The following XPO5 variants were observed in gnomAD, a reference collection of about 807,000 sequenced individuals.
XPO5 encodes the protein exportin 5.
In XPO5, 46 loss-of-function variants were observed where a neutral mutation model predicts 160.6. The ratio of observed to expected loss-of-function variants is 0.29; its 90% CI spans 0.23 to 0.37. The LOEUF (loss-of-function observed/expected upper bound fraction) is 0.37. Among genes scored for constraint, XPO5 ranks in the 10% least tolerant of loss-of-function variants. The pLI is 1.00. For synonymous variants in XPO5, 537 were observed against 519.3 expected, an observed-to-expected ratio of 1.03 and a Z score of -0.46; for missense variants, 1,090 against 1,463.9, an observed-to-expected ratio of 0.74 and a Z score of 4.17.
rs536205936 is a variant in XPO5, at chr6:43,576,022, A to G, written c.-158T>C. The G allele has an allele frequency of 9.8e-6, 6 of 611,960 alleles. No individual in the cohort carries two copies. The highest frequency in any genetic ancestry group is 1.4e-5 in the Non-Finnish European group (5 of 368,878). The allele number at this position is 611,960 out of a possible 1,614,324, so 37.9% of individuals were successfully genotyped here. A position where few individuals can be genotyped will look rare whatever the true frequency, so the allele number is the denominator to read the frequency against. ...GTTAGCAGCAACTCGCGCTGGGAAGAAGCCGGCGCTGCGCACGCGCCCGGC... is the reference window on the plus strand; with the variant it reads ...GTTAGCAGCAACTCGCGCTGGGAAGGAGCCGGCGCTGCGCACGCGCCCGGC... On this transcript the variant is annotated 5_prime_UTR_variant, in exon 1 of 32. Coordinates refer to ENST00000265351, the MANE Select transcript of XPO5 (RefSeq NM_020750.3).
chr6:43,575,708 G>A (rs760594963), intron 1 of XPO5, 52 bp downstream of exon 1: 111 of 1,524,050 alleles, frequency 7.3e-5, no homozygotes, highest in Middle Eastern at 1.7e-4. Context: ...CGGAGCTGCT[G>A]GGGCTGGGAG....
Position 43,523,921 on chromosome 6 carries a change from T to C in XPO5, c.3562A>G (p.Thr1188Ala), listed in dbSNP as rs373525815. Residue 1188 changes from threonine (T) to alanine (A), a missense_variant, in exon 32 of 32, where the codon ACG (threonine) becomes GCG (alanine). By Grantham distance (58) the Thr-to-Ala change is moderately conservative. This residue lies in a region of XPO5 where 810 missense variants were observed against 1,139.0 expected (regional missense o/e 0.71). Coordinates refer to ENST00000265351, the MANE Select transcript of XPO5 (RefSeq NM_020750.3). The part of the protein sequence containing the change: ...LFKKTKPMLE[T>A]EVLDNDGGGL... ...CCCCCATCATTGTCCAGCACCTCCG[T>C]CTCCAGCATTGGCTTTGTTTTTTTG... is the stretch of plus-strand genomic sequence containing the variant. 61 of 1,613,902 alleles carry C rather than the reference T, an allele frequency of 3.8e-5. No individual in the cohort carries two copies. The highest frequency in any genetic ancestry group is 4.9e-5 in the Non-Finnish European group (58 of 1,179,904).
In XPO5 at chr6:43,537,236, T is replaced by G. The variant is rs979999216; in HGVS notation, c.2343-3229A>C. Among the ~76,000 whole-genome samples, 9 of 151,644 alleles carry G rather than the reference T, an allele frequency of 5.9e-5. No homozygotes were observed. The East Asian group carries it at 1.7e-3, about 29-fold the overall frequency. ...ATCCTCCTGCCCTGGCCTCCCAAAG[T>G]GCTGAAATTATAGGCATGAGCCACT... On this transcript the variant is annotated intron_variant, in intron 20 of 31. Coordinates refer to ENST00000265351, the MANE Select transcript of XPO5 (RefSeq NM_020750.3).
chr6:43,574,581 A>C (rs1274989375), intron 1 of XPO5, among the ~76,000 whole-genome samples: 1 of 151,966 alleles, frequency 6.6e-6, no homozygotes, highest in African/African-American at 2.4e-5. Flanking sequence ...CAGTAGCCCT[A>C]CTAGTGTTGG....
intron 15 of XPO5, among the ~76,000 whole-genome samples, chr6:43,550,353 T>A (rs1795169093): frequency 1.3e-5 from 2 of 152,202 alleles, no homozygotes; most frequent in African/African-American, 4.8e-5. Context: ...AAGAGTGTAG[T>A]CAAGAAACTC....
Position 43,560,452 on chromosome 6 carries a change from C to T in XPO5, c.1096-149G>A, listed in dbSNP as rs7741841. On this transcript the variant is annotated intron_variant, in intron 10 of 31. Coordinates refer to ENST00000265351, the MANE Select transcript of XPO5 (RefSeq NM_020750.3). ...TCTACTGCAATTTATCAGTAATGACCACCCACTATGGACCACATGTTAGTA... is the reference window on the plus strand; with the variant it reads ...TCTACTGCAATTTATCAGTAATGACTACCCACTATGGACCACATGTTAGTA... The T allele has an allele frequency of 0.088, 85,926 of 971,354 alleles. 10,134 individuals carry two copies. Among genetic ancestry groups the T allele is most frequent in the African/African-American group, 0.51 (30,579 of 59,758 alleles). The allele number at this position is 971,354 out of a possible 1,614,324, so 60.2% of individuals were successfully genotyped here.
At position 43,553,419 on chromosome 6, in the gene XPO5, A is replaced by G; in HGVS notation, c.1526T>C (p.Phe509Ser). The change falls in exon 14 of 32, where the codon TTT becomes TCT. Residue 509 changes from phenylalanine to serine, a missense_variant. By Grantham distance (155) the Phe-to-Ser change is radical (BLOSUM62 -2). Coordinates refer to ENST00000265351, the MANE Select transcript of XPO5 (RefSeq NM_020750.3). The stretch of plus-strand genomic sequence containing the variant: ...CATCTGGGTGATAACACTTTCCAAA[A>G]AAAGAGTCATGGCTTCCCACTGCAC... ...SFVQWEAMTLFLESVITQMFR... is the reference protein window; with the variant it reads ...SFVQWEAMTLSLESVITQMFR... 1 of 1,605,568 alleles carries G rather than the reference A, an allele frequency of 6.2e-7. No individual in the cohort carries two copies. The highest frequency in any genetic ancestry group is 8.5e-7 in the Non-Finnish European group (1 of 1,175,920).
chr6:43,572,628 C>T, intron 2 of XPO5, 50 bp from the exon 3 acceptor site: 1 of 1,533,992 alleles, frequency 6.5e-7, no homozygotes, highest in Non-Finnish European at 9.0e-7. Context: ...GAAGTCTTGT[C>T]TTTACAAGAG....
In XPO5 at chr6:43,575,811, C is replaced by G. The variant is rs530521285; in HGVS notation, c.54G>C (p.Thr18=). 56 of 1,613,854 alleles carry G rather than the reference C, an allele frequency of 3.5e-5. No homozygotes were observed. The East Asian group carries it at 4.2e-4, about 12-fold the overall frequency. ...ALCEQLVKAV[T]VMMDPNSTQR... ...GGGTGGAGTTGGGGTCCATCATGAC[C>G]GTCACCGCTTTCACCAGCTGCTCGC... The change falls in exon 1 of 32, where the codon ACG becomes ACC. Residue 18 remains threonine (T), a synonymous_variant. Coordinates refer to ENST00000265351, the MANE Select transcript of XPO5 (RefSeq NM_020750.3).
intron 19 of XPO5, chr6:43,547,284 C>T (rs1795009217): frequency 4.8e-6 from 2 of 417,996 alleles, no homozygotes; most frequent in East Asian, 5.6e-5. Flanking sequence ...TAAGACTTTA[C>T]ATGCCAGAGA....
intron 17 of XPO5, 135 bp downstream of exon 17, chr6:43,549,354 A>G (rs1795118973): frequency 1.2e-6 from 1 of 828,776 alleles, no homozygotes; most frequent in Non-Finnish European, 1.8e-6. Context: ...GTGAGCCACC[A>G]TGCCCGGCCA....
intron 26 of XPO5, 99 bp downstream of exon 26, chr6:43,527,535 G>T: frequency 8.1e-7 from 1 of 1,234,726 alleles, no homozygotes; most frequent in Non-Finnish European, 1.2e-6. Flanking sequence ...CCGCAAACAT[G>T]AATCCTTTGC....
At position 43,574,378 on chromosome 6, in the gene XPO5, A is replaced by C. The variant is rs201074683; in HGVS notation, c.106-777T>G. ...CAATATTATGTGGATCTCCAAGCAC[A>C]GTTGCTTTAAAAATATATATTTAAT... On this transcript the variant is annotated intron_variant, in intron 1 of 31. Transcript: ENST00000265351. 4.5e-4 allele frequency among the ~76,000 whole-genome samples: 68 copies of C among 151,480 alleles called. 1 individual carries two copies. The East Asian group carries it at 0.013, about 29-fold the overall frequency.
In XPO5 at chr6:43,533,892, G is replaced by T; in HGVS notation, c.2443+15C>A. 6.4e-7 allele frequency: 1 copy of T among 1,574,448 alleles called. No individual in the cohort carries two copies. The highest frequency in any genetic ancestry group is 8.7e-7 in the Non-Finnish European group (1 of 1,152,032). On this transcript the variant is annotated intron_variant, in intron 21 of 31. Transcript: ENST00000265351. The stretch of plus-strand genomic sequence containing the variant: ...ATAAGATAAACCTTAGGAGAAAAAA[G>T]GTTACATTTCTTACCTAATATAGCA...
chr6:43,563,272 G>C (rs540652158), intron 8 of XPO5, among the ~76,000 whole-genome samples: 1 of 152,088 alleles, frequency 6.6e-6, no homozygotes, highest in South Asian at 2.1e-4. Flanking sequence ...ACTATAAAGC[G>C]CATGCCACCA....
chr6:43,541,643 T>G (rs147161152), intron 20 of XPO5, among the ~76,000 whole-genome samples: 1 of 147,010 alleles, frequency 6.8e-6, no homozygotes, highest in East Asian at 1.9e-4. Flanking sequence ...TCTCTAGATA[T>G]TTCATAAAAA....
chr6:43,546,496 T>A, intron 20 of XPO5, 75 bp downstream of exon 20: 1 of 1,450,420 alleles, frequency 6.9e-7, no homozygotes, highest in Non-Finnish European at 9.2e-7. Flanking sequence ...TATGAAGACA[T>A]GTAAACAGAC....
chr6:43,568,012 A>T (rs1470159385), intron 6 of XPO5, among the ~76,000 whole-genome samples: 2 of 151,062 alleles, frequency 1.3e-5, no homozygotes, highest in African/African-American at 4.9e-5. Context: ...GTGATCAAAA[A>T]CAGAACAAAG....
At chr6:43,537,644 C>T (rs1050185210) in intron 20 of XPO5, among the ~76,000 whole-genome samples, 9 of 151,962 alleles carry the variant, frequency 5.9e-5, no homozygotes, top group African/African-American at 1.9e-4. Flanking sequence ...GACATATTCA[C>T]GTGTAACAAA....
Sources: allele counts gnomAD v4.1 joint callset (sites outside exome capture counted in the v4.1 genomes callset), GRCh38; gene constraint gnomAD v4.1.1; regional missense constraint gnomAD v4.1.1; transcripts MANE v1.5; gene names NCBI Gene and HGNC (gene_info 2026-07-23, HGNC 2026-07-21).